EZH1: variants seen among roughly 807,000 people sequenced by gnomAD.
The protein encoded by EZH1 is histone-lysine N-methyltransferase EZH1.
EZH1 carries 33 observed loss-of-function variants against 100.5 expected under a neutral mutation model. The ratio of observed to expected loss-of-function variants is 0.33; its 90% CI spans 0.25 to 0.44. The LOEUF (loss-of-function observed/expected upper bound fraction) is 0.44, where lower values mean the gene tolerates loss of function less well. Ranked by LOEUF, EZH1 falls within the 20% of genes least tolerant of loss-of-function variation. EZH1 has a pLI of 1.00. For missense variants in EZH1, 475 were observed against 928.4 expected, an observed-to-expected ratio of 0.51 and a Z score of 6.35; for synonymous variants, 272 against 313.8, an observed-to-expected ratio of 0.87 and a Z score of 1.41.
At chr17:42,708,491 C>T (rs2053407152) in intron 14 of EZH1, among the ~76,000 whole-genome samples, 1 of 151,876 alleles carries the variant, frequency 6.6e-6, no homozygotes, top group Non-Finnish European at 1.5e-5. Context: ...CCCGTCTCTA[C>T]TAAAAATACA....
intron 1 of EZH1, among the ~76,000 whole-genome samples, chr17:42,739,620 G>A (rs556061628): frequency 1.3e-5 from 2 of 151,892 alleles, no homozygotes; most frequent in African/African-American, 2.4e-5. Context: ...CCAGCTACTC[G>A]GGAGGCTGAA....
At chr17:42,742,220 G>C (rs1326762886) in intron 1 of EZH1, among the ~76,000 whole-genome samples, 1 of 149,830 alleles carries the variant, frequency 6.7e-6, no homozygotes, top group Non-Finnish European at 1.5e-5. Context: ...TCAGCTCACT[G>C]CAACTTCCCA....
At chr17:42,738,704 G>A (rs1215661429) in intron 1 of EZH1, among the ~76,000 whole-genome samples, 1 of 150,018 alleles carries the variant, frequency 6.7e-6, no homozygotes, top group Non-Finnish European at 1.5e-5. Flanking sequence ...CACCCACCTT[G>A]GCCTCCCAAA....
chr17:42,714,437 C>A, intron 10 of EZH1: 1 of 334,568 alleles, frequency 3.0e-6, no homozygotes, highest in South Asian at 3.0e-5. Context: ...CTGCATGTGG[C>A]GTGTGCCCAG....
chr17:42,732,945 C>T (rs2053980997), intron 1 of EZH1, among the ~76,000 whole-genome samples: 1 of 148,738 alleles, frequency 6.7e-6, no homozygotes, highest in East Asian at 2.0e-4. Context: ...GAGTGAGACT[C>T]TGTCACGTGC....
chr17:42,708,122 ACT>A, intron 14 of EZH1, 39 bp from the exon 15 acceptor site: 1 of 1,546,418 alleles, frequency 6.5e-7, no homozygotes, highest in Admixed American at 1.9e-5. Flanking sequence ...CTGTGACCAT[ACT>A]CTCCAGCTGT....
At chr17:42,719,636 C>A (rs57009231) in intron 7 of EZH1, among the ~76,000 whole-genome samples, 4,872 of 152,262 alleles carry the variant, frequency 0.032, 264 homozygotes, top group African/African-American at 0.11. Context: ...ACTTAGAAGG[C>A]TGACACACAA....
At position 42,719,201 on chromosome 17, in the gene EZH1, T is replaced by C; in HGVS notation, c.671A>G (p.Lys224Arg). The C allele has an allele frequency of 6.2e-7, 1 of 1,613,306 alleles. No homozygotes were observed. The highest frequency in any genetic ancestry group is 8.5e-7 in the Non-Finnish European group (1 of 1,179,370). ...KRKRHAIEGN[K>R]KSSKKQFPND... ...TGGGAACTGTTTCTTGGAACTCTTT[T>C]TGTTGCCTGAATTGGAAATGATAAA... is the stretch of plus-strand genomic sequence containing the variant. Residue 224 changes from lysine (K) to arginine (R), a missense_variant, in exon 8 of 21, where the codon AAA becomes AGA. Transcript: ENST00000428826.
chr17:42,704,192 G>A (rs1300461270), intron 18 of EZH1, among the ~76,000 whole-genome samples: 1 of 152,134 alleles, frequency 6.6e-6, no homozygotes, highest in Admixed American at 6.5e-5. Context: ...GCATCTGCTG[G>A]AAGATTCGGA....
At chr17:42,729,156 C>G (rs2053886069) in intron 2 of EZH1, 1 of 446,818 alleles carries the variant, frequency 2.2e-6, no homozygotes, top group Non-Finnish European at 3.9e-6. Context: ...CCTGTAAAAC[C>G]AACACTTTAG....
At chr17:42,709,066 A>C in intron 13 of EZH1, 150 bp from the exon 14 acceptor site, 2 of 770,328 alleles carry the variant, frequency 2.6e-6, no homozygotes, top group East Asian at 5.3e-5. Flanking sequence ...TTTGGTACAC[A>C]GAAGCTAGAG....
At position 42,730,911 on chromosome 17, in the gene EZH1, G is replaced by C. The variant is rs1405648534; in HGVS notation, c.-95C>G. 1 of 985,328 alleles carries C rather than the reference G, an allele frequency of 1.0e-6. No homozygotes were observed. Among genetic ancestry groups the C allele is most frequent in the African/African-American group, 1.7e-5 (1 of 57,214 alleles). 61.0% of individuals were successfully genotyped at this position (985,328 alleles called of 1,614,324 possible). A position where few individuals can be genotyped will look rare whatever the true frequency, so the allele number is the denominator to read the frequency against. ...ATGGCAGGACACAACAGCAGAACAGGTGTCCAGCTTTTCAAAAGAGAACAG... is the reference window on the plus strand; with the variant it reads ...ATGGCAGGACACAACAGCAGAACAGCTGTCCAGCTTTTCAAAAGAGAACAG... On this transcript the variant is annotated 5_prime_UTR_variant, in exon 2 of 21. Transcript: ENST00000428826.
intron 2 of EZH1, 24 bp from the exon 3 acceptor site, chr17:42,728,976 T>C (rs1028756136): frequency 6.5e-7 from 1 of 1,547,950 alleles, no homozygotes; most frequent in South Asian, 1.2e-5. Flanking sequence ...AGATGAGAAA[T>C]AGCATTTTAT....
At chr17:42,714,030 A>C (rs1272438245) in intron 10 of EZH1, among the ~76,000 whole-genome samples, 1 of 152,152 alleles carries the variant, frequency 6.6e-6, no homozygotes, top group Non-Finnish European at 1.5e-5. Context: ...TCCTTAATAA[A>C]ATGTGTAATG....
chr17:42,742,113 C>T (rs2054186728), intron 1 of EZH1, among the ~76,000 whole-genome samples: 1 of 151,366 alleles, frequency 6.6e-6, no homozygotes, highest in Non-Finnish European at 1.5e-5. Flanking sequence ...ATTTTTAGTT[C>T]CAGCCTCCTT....
At chr17:42,727,558 C>A (rs200702819) in intron 4 of EZH1, 77 bp downstream of exon 4, 8 of 1,524,538 alleles carry the variant, frequency 5.2e-6, no homozygotes, top group Non-Finnish European at 7.1e-6. Context: ...TATTCACTTT[C>A]TAAAAAGTCA....
At chr17:42,728,785 A>G (rs1273005323) in intron 3 of EZH1, 40 bp downstream of exon 3, 2 of 1,602,084 alleles carry the variant, frequency 1.2e-6, no homozygotes, top group Non-Finnish European at 8.5e-7. Flanking sequence ...GGGTCAGTAT[A>G]TTGAAATATA....
At chr17:42,712,929 T>C (rs2053514702) in intron 11 of EZH1, among the ~76,000 whole-genome samples, 2 of 149,550 alleles carry the variant, frequency 1.3e-5, no homozygotes, top group Admixed American at 6.7e-5. Context: ...TCCCAGCTAC[T>C]TGGGAGGCTG....
chr17:42,721,711 A>G (rs1212882040), intron 6 of EZH1, among the ~76,000 whole-genome samples: 1 of 151,958 alleles, frequency 6.6e-6, no homozygotes, highest in African/African-American at 2.4e-5. Flanking sequence ...AAAAAAAGAA[A>G]TAACTAGGGT....
Sources: gnomAD v4.1 joint callset for allele counts (sites outside exome capture counted in the v4.1 genomes callset) on GRCh38, gnomAD v4.1.1 for gene constraint, MANE v1.5 for transcripts, NCBI Gene and HGNC (gene_info 2026-07-23, HGNC 2026-07-21) for gene names.